Variants in STAU2 observed in about 807,000 individuals in gnomAD.
The protein encoded by STAU2 is double-stranded RNA-binding protein Staufen homolog 2.
A neutral mutation model predicts 65.9 loss-of-function variants in STAU2; 20 were observed. That is an observed-to-expected ratio of 0.30 (90% confidence interval 0.21 to 0.44). STAU2 has a LOEUF of 0.44. Ranked by LOEUF, STAU2 falls within the 20% of genes least tolerant of loss-of-function variation. STAU2 has a pLI of 1.00. For missense variants in STAU2, 558 were observed against 683.9 expected (o/e 0.82, Z 2.05); for synonymous variants, 232 against 233.9 (o/e 0.99, Z 0.07).
intron 13 of STAU2, among the ~76,000 whole-genome samples, chr8:73,548,307 T>C (rs1042525824): frequency 5.4e-5 from 8 of 149,362 alleles, no homozygotes; most frequent in African/African-American, 1.2e-4. Context: ...ACTATATGGA[T>C]TGGAAAACAT....
At chr8:73,617,233 C>A (rs577634453) in intron 7 of STAU2, 59 bp downstream of exon 7, 2 of 1,574,786 alleles carry the variant, frequency 1.3e-6, no homozygotes, top group Non-Finnish European at 1.7e-6. Flanking sequence ...ATAAAATGCT[C>A]TGATTTGTTT....
chr8:73,427,567 A>G (rs1308440202), intron 13 of STAU2, among the ~76,000 whole-genome samples: 1 of 152,248 alleles, frequency 6.6e-6, no homozygotes, highest in East Asian at 1.9e-4. Flanking sequence ...GCTTTGATTC[A>G]GTGACTCTGA....
intron 13 of STAU2, among the ~76,000 whole-genome samples, chr8:73,465,577 A>G (rs982996614): frequency 1.3e-5 from 2 of 152,154 alleles, no homozygotes; most frequent in African/African-American, 4.8e-5. Context: ...TTGCTTTTAT[A>G]GGAGAGTGTT....
At chr8:73,495,615 C>T (rs941923805) in intron 13 of STAU2, among the ~76,000 whole-genome samples, 2 of 145,994 alleles carry the variant, frequency 1.4e-5, no homozygotes, top group Non-Finnish European at 3.0e-5. Flanking sequence ...ACTATATGGT[C>T]CCTTACTTAA....
chr8:73,541,893 A>T (rs899394166), intron 13 of STAU2, among the ~76,000 whole-genome samples: 4 of 152,174 alleles, frequency 2.6e-5, no homozygotes, highest in African/African-American at 9.6e-5. Context: ...TAGAAATTAC[A>T]TAATCCAAAA....
At chr8:73,637,118 T>TA (rs112326426) in intron 6 of STAU2, among the ~76,000 whole-genome samples, 2 of 150,662 alleles carry the variant, frequency 1.3e-5, no homozygotes, top group Non-Finnish European at 3.0e-5. Context: ...AAAAAGAAGT[T>TA]AAAAAAATGA....
intron 13 of STAU2, chr8:73,549,953 G>T: frequency 2.0e-6 from 2 of 985,778 alleles, no homozygotes; most frequent in Non-Finnish European, 1.2e-6. Context: ...ACCTGAGAGG[G>T]TTACCTATAA....
intron 4 of STAU2, among the ~76,000 whole-genome samples, chr8:73,705,363 CA>C (rs1231134921): frequency 6.6e-6 from 1 of 152,166 alleles, no homozygotes; most frequent in African/African-American, 2.4e-5. Flanking sequence ...CAGTGGATGA[CA>C]TTGCCTCCCT....
intron 3 of STAU2, among the ~76,000 whole-genome samples, chr8:73,709,626 G>A (rs1437815470): frequency 6.6e-6 from 1 of 151,758 alleles, no homozygotes; most frequent in African/African-American, 2.4e-5. Context: ...CTAAGTTTAA[G>A]TACTAGCTCT....
chr8:73,570,280 T>C (rs538618780), intron 12 of STAU2, among the ~76,000 whole-genome samples: 1 of 152,140 alleles, frequency 6.6e-6, no homozygotes, highest in African/African-American at 2.4e-5. Context: ...TAAAAAGAAA[T>C]GAACAAAGCC....
intron 3 of STAU2, 82 bp from the exon 4 acceptor site, chr8:73,709,244 G>T: frequency 8.9e-7 from 1 of 1,122,298 alleles, no homozygotes; most frequent in South Asian, 2.4e-5. Context: ...TTTGAAGGTA[G>T]ATTGTATATT....
chr8:73,654,177 T>C (rs1014218696), intron 6 of STAU2, among the ~76,000 whole-genome samples: 1 of 152,198 alleles, frequency 6.6e-6, no homozygotes, highest in Non-Finnish European at 1.5e-5. Flanking sequence ...AAAACCGTGC[T>C]GCCCTCTAAT....
intron 3 of STAU2, among the ~76,000 whole-genome samples, chr8:73,712,734 C>T (rs958990295): frequency 2.2e-4 from 33 of 152,096 alleles, no homozygotes; most frequent in African/African-American, 5.8e-4. Context: ...GCGGGAGGAT[C>T]GCTTAAGGCC....
At chr8:73,637,477 T>TAAAAAAAAAAAAAAAAAAAAAAAAAAAAA (rs60833468) in intron 6 of STAU2, among the ~76,000 whole-genome samples, 3 of 57,086 alleles carry the variant, frequency 5.3e-5, no homozygotes, top group Admixed American at 2.9e-4. Context: ...GTGCTGAAAG[T>TAAAAAAAAAAAAAAAAAAAAAAAAAAAAA]AAAAAAAAAA....
intron 12 of STAU2, among the ~76,000 whole-genome samples, chr8:73,573,837 G>C (rs145252405): frequency 0.017 from 2,587 of 152,260 alleles, 44 homozygotes; most frequent in Non-Finnish European, 0.023. Flanking sequence ...TCAGGACATA[G>C]GCATGGGCAA....
At chr8:73,595,383 C>A in intron 10 of STAU2, 86 bp from the exon 11 acceptor site, 1 of 1,243,190 alleles carries the variant, frequency 8.0e-7, no homozygotes, top group South Asian at 1.9e-5. Flanking sequence ...CAATTCTACT[C>A]TCTAGCATTT....
chr8:73,582,181 T>A (rs1259140797), intron 12 of STAU2, among the ~76,000 whole-genome samples: 1 of 152,180 alleles, frequency 6.6e-6, no homozygotes, highest in African/African-American at 2.4e-5. Flanking sequence ...TTGACAATAC[T>A]GTAAGTGGAA....
chr8:73,634,688 T>C (rs935241894), intron 6 of STAU2, among the ~76,000 whole-genome samples: 3 of 152,178 alleles, frequency 2.0e-5, no homozygotes, highest in Non-Finnish European at 2.9e-5. Context: ...CTAGCCACAC[T>C]AGTCTCCTTT....
Position 73,623,508 on chromosome 8 carries a change from GA to G in STAU2, c.411-6058del, listed in dbSNP as rs1266367846. Among the ~76,000 whole-genome samples, 6 of 152,148 alleles carry G rather than the reference GA, an allele frequency of 3.9e-5. 1 individual carries two copies. Among genetic ancestry groups the G allele is most frequent in the Admixed American group, 3.9e-4 (6 of 15,292 alleles). On this transcript the variant is annotated intron_variant, in intron 6 of 14. Coordinates refer to ENST00000524300, the MANE Select transcript of STAU2 (RefSeq NM_001164380.2). ...AAAATATATGAAAATGCTATCTTCC[GA>G]TCTAATAAGGAGAGGCTTTGGATTT...
Sources: allele counts gnomAD v4.1 joint callset (sites outside exome capture counted in the v4.1 genomes callset), GRCh38; gene constraint gnomAD v4.1.1; transcripts MANE v1.5; gene names NCBI Gene and HGNC (gene_info 2026-07-23, HGNC 2026-07-21).